GALNTL6: variants seen among roughly 807,000 people sequenced by gnomAD.
The protein encoded by GALNTL6 is polypeptide N-acetylgalactosaminyltransferase like 6, also known as polypeptide N-acetylgalactosaminyltransferase-like 6.
In GALNTL6, 46 loss-of-function variants were observed where a neutral mutation model predicts 73.7. That is an observed-to-expected ratio of 0.62 (90% CI 0.49 to 0.80). GALNTL6 has a LOEUF of 0.80. Ranked by LOEUF, GALNTL6 falls within the 30% of genes least tolerant of loss-of-function variation. GALNTL6 has a pLI of 0.00. For missense variants in GALNTL6, 604 were observed against 755.0 expected (o/e 0.80, Z 2.34); for synonymous variants, 259 against 263.7 (o/e 0.98, Z 0.17).
At chr4:171,957,687 C>T (rs993202195) in intron 2 of GALNTL6, among the ~76,000 whole-genome samples, 1 of 152,154 alleles carries the variant, frequency 6.6e-6, no homozygotes, top group Non-Finnish European at 1.5e-5. Flanking sequence ...CTACCTTAGT[C>T]TTGCCCTTCA....
chr4:172,850,130 G>T (rs752845831), intron 7 of GALNTL6, among the ~76,000 whole-genome samples: 3 of 152,164 alleles, frequency 2.0e-5, no homozygotes, highest in Non-Finnish European at 2.9e-5. Context: ...CTGTCTACAG[G>T]ACAGAGCACT....
chr4:172,649,635 A>G (rs1266384104), intron 5 of GALNTL6, among the ~76,000 whole-genome samples: 2 of 152,188 alleles, frequency 1.3e-5, no homozygotes, highest in Non-Finnish European at 2.9e-5. Flanking sequence ...GAAGCACAGC[A>G]ATTATTCTGA....
intron 5 of GALNTL6, among the ~76,000 whole-genome samples, chr4:172,403,387 T>C (rs1315063403): frequency 1.3e-5 from 2 of 152,082 alleles, no homozygotes; most frequent in Non-Finnish European, 2.9e-5. Flanking sequence ...AACACAGGTA[T>C]ATTTGGCCGT....
chr4:171,922,809 T>C (rs1737833646), intron 2 of GALNTL6, among the ~76,000 whole-genome samples: 1 of 152,138 alleles, frequency 6.6e-6, no homozygotes. Flanking sequence ...GATTACATTA[T>C]ACCTTACTAT....
intron 5 of GALNTL6, among the ~76,000 whole-genome samples, chr4:172,679,076 A>T (rs1333008721): frequency 6.6e-6 from 1 of 152,214 alleles, no homozygotes; most frequent in African/African-American, 2.4e-5. Context: ...GAATTTTCTC[A>T]TGTCATAAAA....
At chr4:172,790,675 G>A (rs965631231) in intron 5 of GALNTL6, among the ~76,000 whole-genome samples, 2 of 152,004 alleles carry the variant, frequency 1.3e-5, no homozygotes, top group Admixed American at 1.3e-4. Context: ...GCGGGATCAC[G>A]AGGTCAGGAG....
At chr4:172,234,278 A>G (rs1300939171) in intron 3 of GALNTL6, among the ~76,000 whole-genome samples, 1 of 152,132 alleles carries the variant, frequency 6.6e-6, no homozygotes, top group Non-Finnish European at 1.5e-5. Flanking sequence ...ATTGCTAAGA[A>G]CTGCAGTGTA....
chr4:172,906,023 G>C (rs938885857), intron 8 of GALNTL6, among the ~76,000 whole-genome samples: 1 of 152,076 alleles, frequency 6.6e-6, no homozygotes, highest in African/African-American at 2.4e-5. Flanking sequence ...CAAAGTAACT[G>C]GCACATCCCA....
chr4:172,499,437 G>C (rs1477348569), intron 5 of GALNTL6, among the ~76,000 whole-genome samples: 1 of 152,238 alleles, frequency 6.6e-6, no homozygotes, highest in African/African-American at 2.4e-5. Flanking sequence ...CTCCAGAGCT[G>C]TCGGAAATAA....
At chr4:172,389,053 G>C (rs1484021) in intron 5 of GALNTL6, among the ~76,000 whole-genome samples, 145,758 of 152,086 alleles carry the variant, frequency 0.96, 70,122 homozygotes, top group Non-Finnish European at 1. Context: ...AGAAATGTAT[G>C]CTATATGATT....
chr4:172,268,057 A>G (rs1738509425), intron 3 of GALNTL6, among the ~76,000 whole-genome samples: 1 of 152,212 alleles, frequency 6.6e-6, no homozygotes, highest in Admixed American at 6.5e-5. Context: ...GCAGAATCCA[A>G]ATATCTGGAT....
At chr4:172,263,279 A>G (rs903413448) in intron 3 of GALNTL6, among the ~76,000 whole-genome samples, 3 of 151,436 alleles carry the variant, frequency 2.0e-5, no homozygotes, top group Non-Finnish European at 4.4e-5. Context: ...GTGATTTAAC[A>G]TAATCCCAGT....
chr4:172,743,428 G>A (rs1279357306), intron 5 of GALNTL6, among the ~76,000 whole-genome samples: 2 of 151,962 alleles, frequency 1.3e-5, no homozygotes, highest in Admixed American at 6.6e-5. Flanking sequence ...TGTTTTTGGG[G>A]GTAGATGTTT....
At chr4:172,606,266 C>A (rs185017019) in intron 5 of GALNTL6, among the ~76,000 whole-genome samples, 4 of 151,778 alleles carry the variant, frequency 2.6e-5, no homozygotes, top group African/African-American at 4.8e-5. Flanking sequence ...ACCGGCCTGA[C>A]CAACATGGAG....
intron 5 of GALNTL6, among the ~76,000 whole-genome samples, chr4:172,351,435 T>C (rs1234626848): frequency 6.6e-6 from 1 of 152,150 alleles, no homozygotes; most frequent in Non-Finnish European, 1.5e-5. Flanking sequence ...ATGTTATCTA[T>C]CTAAATTATA....
intron 5 of GALNTL6, among the ~76,000 whole-genome samples, chr4:172,632,433 T>C (rs892875982): frequency 6.6e-6 from 1 of 152,062 alleles, no homozygotes; most frequent in African/African-American, 2.4e-5. Flanking sequence ...ACTTGCTGGG[T>C]ACTGGAGTAA....
intron 5 of GALNTL6, among the ~76,000 whole-genome samples, chr4:172,367,018 C>A (rs546680024): frequency 1.8e-4 from 27 of 152,266 alleles, no homozygotes; most frequent in African/African-American, 6.5e-4. Context: ...AAAATTAATA[C>A]CCCGTGAATC....
chr4:172,206,774 TG>T (rs1422789468), intron 2 of GALNTL6, among the ~76,000 whole-genome samples: 9 of 99,694 alleles, frequency 9.0e-5, no homozygotes, highest in Middle Eastern at 5.0e-3. Flanking sequence ...AGATGAAACG[TG>T]TTTTTTGTTT....
At chr4:171,821,330 C>T (rs1229255393) in intron 2 of GALNTL6, among the ~76,000 whole-genome samples, 1 of 152,132 alleles carries the variant, frequency 6.6e-6, no homozygotes, top group African/African-American at 2.4e-5. Context: ...CATGAGCCCC[C>T]ACTCCCAGCC....
Sources: allele counts gnomAD v4.1 joint callset (sites outside exome capture counted in the v4.1 genomes callset), GRCh38; gene constraint gnomAD v4.1.1; transcripts MANE v1.5; gene names NCBI Gene and HGNC (gene_info 2026-07-23, HGNC 2026-07-21).